The following TRAPPC8 variants were observed in gnomAD, a reference collection of about 807,000 sequenced individuals.
TRAPPC8 encodes the protein general sporulation gene 1 homolog.
TRAPPC8 carries 54 observed loss-of-function variants against 174.3 expected under a neutral mutation model. The ratio of observed to expected loss-of-function variants is 0.31; its 90% CI spans 0.25 to 0.39. The LOEUF (loss-of-function observed/expected upper bound fraction) is 0.39. Among genes scored for constraint, TRAPPC8 ranks in the 10% least tolerant of loss-of-function variants. The probability of loss-of-function intolerance (pLI) is 1.00; values close to 1 mark genes in which losing one functional copy is unlikely to be tolerated. For missense variants in TRAPPC8, 1,531 were observed against 1,699.1 expected (o/e 0.90, Z 1.74); for synonymous variants, 630 against 579.9 (o/e 1.09, Z -1.24).
chr18:31,942,005 T>G (rs1483964435), intron 1 of TRAPPC8, among the ~76,000 whole-genome samples: 1 of 152,212 alleles, frequency 6.6e-6, no homozygotes. Flanking sequence ...TCCTCTTCCT[T>G]AGGGCAAAAA....
At chr18:31,863,051 C>CAAA (rs35944569) in intron 19 of TRAPPC8, among the ~76,000 whole-genome samples, 9 of 113,734 alleles carry the variant, frequency 7.9e-5, no homozygotes, top group African/African-American at 1.4e-4. Context: ...GACTAGGTCT[C>CAAA]AAAAAAAAAA....
At chr18:31,881,598 T>C (rs1307009844) in intron 12 of TRAPPC8, among the ~76,000 whole-genome samples, 1 of 152,180 alleles carries the variant, frequency 6.6e-6, no homozygotes, top group Non-Finnish European at 1.5e-5. Flanking sequence ...AAAAAATTTA[T>C]GAGCAAGTCC....
chr18:31,938,573 T>C (rs1378606379), intron 1 of TRAPPC8, among the ~76,000 whole-genome samples: 2 of 152,008 alleles, frequency 1.3e-5, no homozygotes, highest in African/African-American at 4.8e-5. Context: ...TAAAAATAAG[T>C]CTCCTGACAA....
rs746512056 is a variant in TRAPPC8, at chr18:31,917,607, T to A, written c.413A>T (p.Asp138Val). 4 of 1,613,388 alleles carry A rather than the reference T, an allele frequency of 2.5e-6. No homozygotes were observed. Among genetic ancestry groups the A allele is most frequent in the Non-Finnish European group, 3.4e-6 (4 of 1,179,746 alleles). Residue 138 changes from aspartate to valine, a missense_variant, in exon 3 of 29, where the codon GAT (aspartate) becomes GTT (valine). Coordinates refer to ENST00000283351, the MANE Select transcript of TRAPPC8 (RefSeq NM_014939.5). ...ETFLQSMPAL[D>V]HEFLNHYLAC... The stretch of plus-strand genomic sequence containing the variant: ...TAAATAGTGGTTCAGAAATTCATGA[T>A]CCAATGCTGGCATCGACTGAAGAAA...
At chr18:31,907,434 G>A in intron 9 of TRAPPC8, 26 bp downstream of exon 9, 1 of 1,519,994 alleles carries the variant, frequency 6.6e-7, no homozygotes. Flanking sequence ...CAGAATTAAG[G>A]AATTATAATA....
chr18:31,894,657 G>A (rs538110612), intron 11 of TRAPPC8, among the ~76,000 whole-genome samples: 2 of 152,102 alleles, frequency 1.3e-5, no homozygotes, highest in Admixed American at 1.3e-4. Flanking sequence ...AAACACAGTT[G>A]ATAAAGCCAC....
At chr18:31,876,293 A>G (rs1217691434) in intron 12 of TRAPPC8, among the ~76,000 whole-genome samples, 2 of 151,896 alleles carry the variant, frequency 1.3e-5, no homozygotes, top group African/African-American at 4.8e-5. Context: ...GATTGAGACC[A>G]TCCTGGCTAT....
intron 14 of TRAPPC8, among the ~76,000 whole-genome samples, chr18:31,872,545 G>A (rs560712645): frequency 3.0e-4 from 46 of 152,054 alleles, no homozygotes; most frequent in African/African-American, 9.4e-4. Flanking sequence ...TCAGCCTCCC[G>A]AGTAGCTGGG....
At chr18:31,928,335 C>A (rs1210589280) in intron 2 of TRAPPC8, among the ~76,000 whole-genome samples, 4 of 113,636 alleles carry the variant, frequency 3.5e-5, no homozygotes, top group African/African-American at 1.4e-4. Context: ...GACCTTATCT[C>A]TACACACACA....
chr18:31,902,336 A>G (rs150581307), intron 9 of TRAPPC8, among the ~76,000 whole-genome samples: 1 of 152,258 alleles, frequency 6.6e-6, no homozygotes, highest in Non-Finnish European at 1.5e-5. Flanking sequence ...GTCTCAAAAA[A>G]CAAACAAACA....
rs1196790137 is a variant in TRAPPC8, at chr18:31,931,352, C to T, written c.329G>A (p.Gly110Glu). 14 of 1,593,188 alleles carry T rather than the reference C, an allele frequency of 8.8e-6. No individual in the cohort carries two copies. In the Admixed American group the frequency reaches 2.5e-4, roughly 28 times the overall value. Residue 110 changes from glycine to glutamate, a missense_variant, in exon 2 of 29, where the codon GGA (glycine) becomes GAA (glutamate). Coordinates refer to ENST00000283351, the MANE Select transcript of TRAPPC8 (RefSeq NM_014939.5). ...ACCACTGATGTTAAGGTCATAATCT[C>T]CTGCTGTAATCACATTAGCTACTAA... ...EGLVANVITA[G>E]DYDLNISATT... is the part of the protein sequence containing the mutation.
At chr18:31,920,601 G>A (rs1187727993) in intron 2 of TRAPPC8, among the ~76,000 whole-genome samples, 1 of 151,482 alleles carries the variant, frequency 6.6e-6, no homozygotes, top group Non-Finnish European at 1.5e-5. Context: ...AGGAATTTGA[G>A]ACTAGCTAGG....
At chr18:31,860,418 T>C (rs1054041677) in intron 19 of TRAPPC8, among the ~76,000 whole-genome samples, 8 of 152,076 alleles carry the variant, frequency 5.3e-5, no homozygotes, top group African/African-American at 9.7e-5. Flanking sequence ...ACATAGCTCA[T>C]TGTTTGAGTT....
At chr18:31,867,994 T>C (rs1343693058) in intron 16 of TRAPPC8, among the ~76,000 whole-genome samples, 1 of 152,160 alleles carries the variant, frequency 6.6e-6, no homozygotes, top group Non-Finnish European at 1.5e-5. Context: ...CTTACAATAA[T>C]AGCAAATTTC....
In TRAPPC8 at chr18:31,927,036, A is replaced by G. The variant is rs552733996; in HGVS notation, c.352+4293T>C. ...AAAAGACTACAGAAATTGGTGGGGCAAGGTACAGATCACTGTTGTTTTTTC... is the reference window on the plus strand; with the variant it reads ...AAAAGACTACAGAAATTGGTGGGGCGAGGTACAGATCACTGTTGTTTTTTC... On this transcript the variant is annotated intron_variant, in intron 2 of 28. Transcript: ENST00000283351. 3.9e-5 allele frequency among the ~76,000 whole-genome samples: 6 copies of G among 152,324 alleles called. No homozygotes were observed. The East Asian group carries it at 9.6e-4, about 24-fold the overall frequency.
intron 12 of TRAPPC8, 37 bp downstream of exon 12, chr18:31,890,698 A>G: frequency 1.3e-6 from 2 of 1,577,538 alleles, no homozygotes; most frequent in South Asian, 2.4e-5. Context: ...TTTATAAAAT[A>G]AATAGCAACT....
At chr18:31,867,939 T>C (rs1448318947) in intron 16 of TRAPPC8, among the ~76,000 whole-genome samples, 1 of 152,128 alleles carries the variant, frequency 6.6e-6, no homozygotes, top group Non-Finnish European at 1.5e-5. Flanking sequence ...AGAAAATACC[T>C]AGCTGCTCAT....
At chr18:31,867,598 A>AATGATACGGCGC in intron 16 of TRAPPC8, 122 bp from the exon 17 acceptor site, 7 of 672,012 alleles carry the variant, frequency 1.0e-5, no homozygotes, top group South Asian at 4.2e-5. Flanking sequence ...CTTGGTTTTT[A>AATGATACGGCGC]CCACATGCTG....
intron 12 of TRAPPC8, among the ~76,000 whole-genome samples, chr18:31,888,318 G>A (rs113221681): frequency 2.1e-4 from 32 of 152,124 alleles, no homozygotes; most frequent in Admixed American, 2.0e-4. Context: ...TGGACCACCT[G>A]AGGTTGGGAA....
Sources: allele counts gnomAD v4.1 joint callset (sites outside exome capture counted in the v4.1 genomes callset), GRCh38; gene constraint gnomAD v4.1.1; transcripts MANE v1.5; gene names NCBI Gene and HGNC (gene_info 2026-07-23, HGNC 2026-07-21).